Variants in FMNL2 observed in about 807,000 individuals in gnomAD.
FMNL2 encodes the protein formin-like protein 2.
In FMNL2, 51 loss-of-function variants were observed where a neutral mutation model predicts 130.2. The observed-to-expected ratio is 0.39, with a 90% CI of 0.31 to 0.49. The LOEUF (loss-of-function observed/expected upper bound fraction) is 0.49. Among genes scored for constraint, FMNL2 ranks in the 20% least tolerant of loss-of-function variants. The pLI, the probability that FMNL2 is intolerant of heterozygous loss-of-function variation, is 0.85. For missense variants in FMNL2, 977 were observed against 1,316.2 expected, an observed-to-expected ratio of 0.74 and a Z score of 3.99; for synonymous variants, 465 against 467.1, an observed-to-expected ratio of 1.00 and a Z score of 0.06.
At chr2:152,436,987 C>T (rs1002894784) in intron 1 of FMNL2, among the ~76,000 whole-genome samples, 1 of 152,112 alleles carries the variant, frequency 6.6e-6, no homozygotes, top group Non-Finnish European at 1.5e-5. Flanking sequence ...AGTAGAAGTC[C>T]AGCATCAAGG....
intron 3 of FMNL2, among the ~76,000 whole-genome samples, chr2:152,545,776 T>A (rs990620057): frequency 5.3e-5 from 8 of 152,330 alleles, no homozygotes; most frequent in Admixed American, 4.6e-4. Flanking sequence ...TGTTTTGCAT[T>A]CTGGATAGAT....
intron 1 of FMNL2, among the ~76,000 whole-genome samples, chr2:152,349,441 A>G (rs1682344887): frequency 6.6e-6 from 1 of 152,242 alleles, no homozygotes; most frequent in Admixed American, 6.5e-5. Flanking sequence ...GTTTGAATCC[A>G]GGCCTGCCTG....
intron 1 of FMNL2, among the ~76,000 whole-genome samples, chr2:152,459,287 G>A (rs1316527575): frequency 3.3e-5 from 5 of 152,076 alleles, no homozygotes; most frequent in South Asian, 2.1e-4. Context: ...ATCTGAATTC[G>A]CACTGAACCA....
intron 5 of FMNL2, among the ~76,000 whole-genome samples, chr2:152,559,150 C>T (rs7599894): frequency 0.13 from 20,441 of 152,090 alleles, 1,533 homozygotes; most frequent in Middle Eastern, 0.17. Flanking sequence ...AATCACTAGG[C>T]GATGCAAAAG....
Position 152,619,112 on chromosome 2 carries a change from CCCT to C in FMNL2, c.1587_1589del (p.Pro532del). The stretch of plus-strand genomic sequence containing the variant: ...GGGCCGCTTCCTCAGGACCCTTGCC[CCCT>C]CCTCCACCACCACTGCCTCCCTCAT... On this transcript the variant is annotated inframe_deletion, in exon 14 of 26. Transcript: ENST00000288670. 6.2e-7 allele frequency: 1 copy of C among 1,600,488 alleles called. No homozygotes were observed. Among genetic ancestry groups the C allele is most frequent in the Non-Finnish European group, 8.5e-7 (1 of 1,171,906 alleles).
At chr2:152,352,901 GT>G (rs148630836) in intron 1 of FMNL2, among the ~76,000 whole-genome samples, 2,334 of 152,132 alleles carry the variant, frequency 0.015, 27 homozygotes, top group Non-Finnish European at 0.027. Context: ...GGACTTCCAT[GT>G]GAGAAGAACA....
chr2:152,531,361 A>G (rs1693678459), intron 2 of FMNL2, among the ~76,000 whole-genome samples: 1 of 152,218 alleles, frequency 6.6e-6, no homozygotes, highest in South Asian at 2.1e-4. Flanking sequence ...TGTGGGTCAC[A>G]GATTGAAACT....
chr2:152,592,627 ATTTG>A (rs770545102), intron 9 of FMNL2, among the ~76,000 whole-genome samples: 17 of 152,302 alleles, frequency 1.1e-4, no homozygotes, highest in Admixed American at 2.6e-4. Context: ...TTAATAAAAA[ATTTG>A]TTTGTTTATT....
intron 9 of FMNL2, among the ~76,000 whole-genome samples, chr2:152,586,219 A>T (rs917340262): frequency 6.6e-6 from 1 of 152,224 alleles, no homozygotes; most frequent in African/African-American, 2.4e-5. Context: ...GTACAGAAAG[A>T]TGGAGCCTTG....
At chr2:152,642,443 G>A (rs1234587639) in intron 25 of FMNL2, among the ~76,000 whole-genome samples, 2 of 151,392 alleles carry the variant, frequency 1.3e-5, no homozygotes, top group African/African-American at 4.9e-5. Flanking sequence ...ATAGTAAGTG[G>A]CTGATGAAAA....
chr2:152,513,415 C>T (rs1692591838), intron 1 of FMNL2, among the ~76,000 whole-genome samples: 1 of 152,206 alleles, frequency 6.6e-6, no homozygotes, highest in Non-Finnish European at 1.5e-5. Context: ...ATTCATCCTG[C>T]CTAACTGAAA....
intron 5 of FMNL2, among the ~76,000 whole-genome samples, chr2:152,559,066 G>C (rs1450731458): frequency 6.6e-6 from 1 of 152,166 alleles, no homozygotes; most frequent in East Asian, 1.9e-4. Flanking sequence ...ATTTTCAAAA[G>C]TAACGCTTTC....
chr2:152,361,091 T>A (rs986107242), intron 1 of FMNL2, among the ~76,000 whole-genome samples: 5 of 152,224 alleles, frequency 3.3e-5, no homozygotes, highest in African/African-American at 1.2e-4. Context: ...GCAGGCATAC[T>A]AATATATTTG....
chr2:152,581,059 A>G lies in FMNL2; in HGVS notation c.876+10A>G, dbSNP rs761946356. The G allele has an allele frequency of 8.7e-6, 14 of 1,610,120 alleles. No individual in the cohort carries two copies. The highest frequency in any genetic ancestry group is 1.1e-5 in the South Asian group (1 of 90,484). On this transcript the variant is annotated intron_variant, in intron 9 of 25. Transcript: ENST00000288670. ...TGATAACTTTAAAGAGGTAGGCTAC[A>G]CTATAGTTTTCATAAGAATACTCAC...
At chr2:152,645,624 A>G in intron 25 of FMNL2, 1 of 752,484 alleles carries the variant, frequency 1.3e-6, no homozygotes, top group Non-Finnish European at 1.9e-6. Context: ...GAATCTGACC[A>G]GGGAGTTTTT....
chr2:152,454,272 G>A (rs769328391), intron 1 of FMNL2, among the ~76,000 whole-genome samples: 7 of 152,134 alleles, frequency 4.6e-5, no homozygotes, highest in Non-Finnish European at 8.8e-5. Context: ...GCAAGACTCT[G>A]TCTCAAATAA....
intron 1 of FMNL2, among the ~76,000 whole-genome samples, chr2:152,448,146 G>A (rs1348085320): frequency 6.6e-6 from 1 of 151,912 alleles, no homozygotes; most frequent in African/African-American, 2.4e-5. Flanking sequence ...TATGTGTAAG[G>A]GAGCTGCTTA....
Position 152,607,365 on chromosome 2 carries a change from G to C in FMNL2, c.903G>C (p.Glu301Asp). 6.2e-7 allele frequency: 1 copy of C among 1,613,600 alleles called. No homozygotes were observed. The highest frequency in any genetic ancestry group is 8.5e-7 in the Non-Finnish European group (1 of 1,179,734). The part of the protein sequence containing the change: ...KEVCGEKQRF[E>D]KLMEHFRNED... ...TTTGTGGAGAAAAACAGCGCTTTGAGAAGTTGATGGAACATTTCAGGAATG... is the reference window on the plus strand; with the variant it reads ...TTTGTGGAGAAAAACAGCGCTTTGACAAGTTGATGGAACATTTCAGGAATG... The change falls in exon 10 of 26, where the codon GAG (glutamate) becomes GAC (aspartate). Residue 301 changes from glutamate to aspartate, a missense_variant. This residue lies in a region of FMNL2 where 689 missense variants were observed against 995.9 expected (regional missense o/e 0.69). Coordinates refer to ENST00000288670, the MANE Select transcript of FMNL2 (RefSeq NM_052905.4).
intron 1 of FMNL2, among the ~76,000 whole-genome samples, chr2:152,474,303 T>C (rs1294834168): frequency 6.6e-6 from 1 of 152,252 alleles, no homozygotes; most frequent in Non-Finnish European, 1.5e-5. Flanking sequence ...CAGTTGCCTT[T>C]TGAGTATTGG....
Sources: gnomAD v4.1 joint callset for allele counts (sites outside exome capture counted in the v4.1 genomes callset) on GRCh38, gnomAD v4.1.1 for gene constraint, gnomAD v4.1.1 regional missense constraint, MANE v1.5 for transcripts, NCBI Gene and HGNC (gene_info 2026-07-23, HGNC 2026-07-21) for gene names.